NSUN3: variants seen among roughly 807,000 people sequenced by gnomAD.
NSUN3 encodes NOP2/Sun RNA methyltransferase 3, also known as tRNA (cytosine(34)-C(5))-methyltransferase, mitochondrial.
Under a neutral mutation model 36.8 loss-of-function variants are expected in NSUN3, and 24 were observed. That is an observed-to-expected ratio of 0.65 (90% confidence interval 0.47 to 0.92). The LOEUF (loss-of-function observed/expected upper bound fraction) is 0.92. NSUN3 is among the 40% of genes least tolerant of loss of function. The pLI is 0.00. For synonymous variants in NSUN3, 146 were observed against 145.2 expected, an observed-to-expected ratio of 1.01 and a Z score of -0.04; for missense variants, 381 against 392.8, an observed-to-expected ratio of 0.97 and a Z score of 0.25.
At chr3:94,094,930 T>G (rs1306975375) in intron 4 of NSUN3, 103 bp from the exon 5 acceptor site, 9 of 1,171,168 alleles carry the variant, frequency 7.7e-6, no homozygotes, top group Admixed American at 2.1e-5. Context: ...TTTTTACTTA[T>G]TTCCTATTTG....
chr3:94,105,491 A>C (rs1394900716), intron 5 of NSUN3, among the ~76,000 whole-genome samples: 1 of 152,156 alleles, frequency 6.6e-6, no homozygotes, highest in Non-Finnish European at 1.5e-5. Context: ...TGCAGGAGTC[A>C]AATGACTTCT....
Position 94,129,655 on chromosome 3 carries a change from AT to A in NSUN3, c.*3171del, listed in dbSNP as rs375853665. On this transcript the variant is annotated 3_prime_UTR_variant, in exon 6 of 6. Coordinates refer to ENST00000314622, the MANE Select transcript of NSUN3 (RefSeq NM_022072.5). Reference sequence around the variant, plus strand: ...CCCCTGAATCTAAAAAGCTGAAATTATTTTTTAATGAGAAGATAAACCATAA... The same window carrying A: ...CCCCTGAATCTAAAAAGCTGAAATTATTTTTAATGAGAAGATAAACCATAA... 2.7e-5 allele frequency among the ~76,000 whole-genome samples: 4 copies of A among 150,310 alleles called. No individual in the cohort carries two copies. Among genetic ancestry groups the A allele is most frequent in the East Asian group, 3.9e-4 (2 of 5,104 alleles).
At chr3:94,105,490 CA>C (rs1434313519) in intron 5 of NSUN3, among the ~76,000 whole-genome samples, 2 of 152,132 alleles carry the variant, frequency 1.3e-5, no homozygotes, top group Admixed American at 1.3e-4. Context: ...CTGCAGGAGT[CA>C]AATGACTTCT....
At chr3:94,121,389 C>T (rs779857626) in intron 5 of NSUN3, among the ~76,000 whole-genome samples, 2 of 152,174 alleles carry the variant, frequency 1.3e-5, no homozygotes, top group Non-Finnish European at 2.9e-5. Flanking sequence ...CAGGCCCACT[C>T]GGATAATCCA....
chr3:94,123,740 G>A (rs1310850795), intron 5 of NSUN3, among the ~76,000 whole-genome samples: 1 of 151,954 alleles, frequency 6.6e-6, no homozygotes. Context: ...CTTGTCACTG[G>A]CTATTCCTTT....
chr3:94,085,028 A>G (rs1027476134), intron 3 of NSUN3: 2 of 152,230 alleles, frequency 1.3e-5, no homozygotes, highest in Non-Finnish European at 2.9e-5. Context: ...GATATTTTAC[A>G]TTCTCTCTTT....
intron 5 of NSUN3, among the ~76,000 whole-genome samples, chr3:94,097,345 A>G (rs2077346381): frequency 6.6e-6 from 1 of 151,928 alleles, no homozygotes; most frequent in Non-Finnish European, 1.5e-5. Context: ...TGATATGTAT[A>G]TTCTTCTGTT....
chr3:94,064,647 C>A, intron 2 of NSUN3, 101 bp downstream of exon 2: 1 of 687,558 alleles, frequency 1.5e-6, no homozygotes, highest in African/African-American at 1.8e-5. Flanking sequence ...GCAAAGGAAT[C>A]TAAATCTGGT....
In NSUN3 at chr3:94,094,141, T is replaced by A. The variant is rs2077327546; in HGVS notation, c.468T>A (p.Gly156=). ...AACTTTTTAATCCTTTTTATTTAGG[T>A]TATCTTCATTGTAATGAATATGATA... The part of the protein sequence containing the change: ...SIALLQCACP[G]YLHCNEYDSL... Residue 156 remains glycine (G), a splice_region_variant and synonymous_variant, in exon 4 of 6, where the codon GGT becomes GGA. Transcript: ENST00000314622. 6 of 1,590,530 alleles carry A rather than the reference T, an allele frequency of 3.8e-6. No homozygotes were observed. The African/African-American group carries it at 8.2e-5, about 22-fold the overall frequency.
intron 5 of NSUN3, among the ~76,000 whole-genome samples, chr3:94,121,021 CAAAA>C (rs1332526763): frequency 6.6e-6 from 1 of 151,946 alleles, no homozygotes; most frequent in Non-Finnish European, 1.5e-5. Context: ...AAAGAGAAAA[CAAAA>C]AACGCCATCA....
intron 5 of NSUN3, among the ~76,000 whole-genome samples, chr3:94,095,704 C>A (rs1328471780): frequency 5.3e-5 from 8 of 152,094 alleles, no homozygotes; most frequent in Admixed American, 5.2e-4. Flanking sequence ...GCCCTACTCC[C>A]ATGTAATTCT....
At chr3:94,094,918 T>C (rs2077331213) in intron 4 of NSUN3, 115 bp from the exon 5 acceptor site, 2 of 1,051,152 alleles carry the variant, frequency 1.9e-6, no homozygotes, top group Non-Finnish European at 2.8e-6. Flanking sequence ...AAAAAAGAAA[T>C]GTTTTTACTT....
intron 5 of NSUN3, among the ~76,000 whole-genome samples, chr3:94,113,142 G>A (rs1199496670): frequency 1.3e-5 from 2 of 152,136 alleles, no homozygotes; most frequent in African/African-American, 4.8e-5. Context: ...GGGATTACAG[G>A]TGTGAGCCAC....
Position 94,115,561 on chromosome 3 carries a change from A to G in NSUN3, c.744-10650A>G, listed in dbSNP as rs192879832. ...AATTGTAGGCGAGACAGCGATTGTG[A>G]CTTCAAACTTGTTTTAGCGATGACA... On this transcript the variant is annotated intron_variant, in intron 5 of 5. Coordinates refer to ENST00000314622, the MANE Select transcript of NSUN3 (RefSeq NM_022072.5). 1.1e-3 allele frequency among the ~76,000 whole-genome samples: 169 copies of G among 152,326 alleles called. 1 individual carries two copies. Among genetic ancestry groups the G allele is most frequent in the African/African-American group, 3.8e-3 (156 of 41,574 alleles).
chr3:94,099,654 G>A (rs1159794256), intron 5 of NSUN3, among the ~76,000 whole-genome samples: 1 of 152,054 alleles, frequency 6.6e-6, no homozygotes, highest in Non-Finnish European at 1.5e-5. Flanking sequence ...TGATGACAAA[G>A]GGGAGAGATT....
chr3:94,069,502 G>C (rs926012535), intron 2 of NSUN3, among the ~76,000 whole-genome samples: 1 of 152,104 alleles, frequency 6.6e-6, no homozygotes, highest in African/African-American at 2.4e-5. Context: ...AATCTACAGG[G>C]TTATATTAAT....
chr3:94,101,169 C>A (rs1422753021), intron 5 of NSUN3, among the ~76,000 whole-genome samples: 1 of 151,766 alleles, frequency 6.6e-6, no homozygotes, highest in Non-Finnish European at 1.5e-5. Context: ...TTTTTAAATT[C>A]TTTTCTAGAG....
chr3:94,074,805 G>A (rs1464353833), intron 2 of NSUN3, among the ~76,000 whole-genome samples: 2 of 151,872 alleles, frequency 1.3e-5, no homozygotes, highest in South Asian at 2.1e-4. Context: ...TTTCCTTCTC[G>A]TGCCTGATTG....
chr3:94,102,064 A>G (rs1441796753), intron 5 of NSUN3, among the ~76,000 whole-genome samples: 1 of 152,152 alleles, frequency 6.6e-6, no homozygotes, highest in Non-Finnish European at 1.5e-5. Flanking sequence ...CTTGACAAGT[A>G]AAATCCAATT....
Sources: allele counts gnomAD v4.1 joint callset (sites outside exome capture counted in the v4.1 genomes callset), GRCh38; gene constraint gnomAD v4.1.1; transcripts MANE v1.5; gene names NCBI Gene and HGNC (gene_info 2026-07-23, HGNC 2026-07-21).